The following RIT2 variants were observed in gnomAD, a reference collection of about 807,000 sequenced individuals.
RIT2 encodes Ras like without CAAX 2.
Under a neutral mutation model 23.7 loss-of-function variants are expected in RIT2, and 24 were observed. That is an observed-to-expected ratio of 1.01 (90% confidence interval 0.73 to 1.43). The LOEUF is 1.43. Among genes scored for constraint, RIT2 ranks in the 40% most tolerant of loss-of-function variants. The pLI is 0.00. For missense variants in RIT2, 236 were observed against 266.9 expected, an observed-to-expected ratio of 0.88 and a Z score of 0.81; for synonymous variants, 107 against 91.1, an observed-to-expected ratio of 1.17 and a Z score of -0.99.
At chr18:43,066,700 C>A (rs1277895467) in intron 1 of RIT2, among the ~76,000 whole-genome samples, 2 of 151,932 alleles carry the variant, frequency 1.3e-5, no homozygotes, top group African/African-American at 4.8e-5. Context: ...AAGGAAGCGC[C>A]ATTTAACCTA....
intron 1 of RIT2, among the ~76,000 whole-genome samples, chr18:43,113,250 C>T (rs1191426802): frequency 6.6e-6 from 1 of 152,098 alleles, no homozygotes; most frequent in Non-Finnish European, 1.5e-5. Context: ...ACTGTGATTT[C>T]AAACATTTAG....
intron 4 of RIT2, among the ~76,000 whole-genome samples, chr18:42,799,102 A>G (rs540315654): frequency 6.6e-6 from 1 of 152,350 alleles, no homozygotes; most frequent in South Asian, 2.1e-4. Flanking sequence ...ATTCTGAAAA[A>G]TAAATAGGGC....
chr18:43,031,212 A>G (rs572452190), intron 2 of RIT2, among the ~76,000 whole-genome samples: 8 of 152,024 alleles, frequency 5.3e-5, no homozygotes, highest in Admixed American at 2.6e-4. Context: ...TCTTTCAAAA[A>G]TAAGTGCAGA....
chr18:43,004,028 T>C (rs942850349), intron 2 of RIT2, among the ~76,000 whole-genome samples: 15 of 151,626 alleles, frequency 9.9e-5, no homozygotes, highest in African/African-American at 3.6e-4. Context: ...TCTGTACTGA[T>C]TTTTCCCCCC....
intron 4 of RIT2, among the ~76,000 whole-genome samples, chr18:42,905,902 T>A (rs1209586785): frequency 6.9e-6 from 1 of 145,204 alleles, no homozygotes; most frequent in Non-Finnish European, 1.5e-5. Context: ...GGATAAAGGC[T>A]AAGGAGGAAA....
intron 3 of RIT2, among the ~76,000 whole-genome samples, chr18:42,949,946 G>A (rs1909811384): frequency 6.6e-6 from 1 of 152,032 alleles, no homozygotes. Context: ...CCACATAATG[G>A]GAGAATCATC....
intron 3 of RIT2, among the ~76,000 whole-genome samples, chr18:42,932,098 T>C (rs954575413): frequency 2.0e-5 from 3 of 152,164 alleles, no homozygotes; most frequent in African/African-American, 7.2e-5. Flanking sequence ...CAGATAATTA[T>C]AAAATTTTAC....
rs1439200803 is a variant in RIT2 at position 42,974,065 on chromosome 18, A to T, written c.234+9T>A. ...TCAGAGATTGGAGAGGTTTAAGAAC[A>T]TCACCTACCTGGCCAGCAGTGTCCA... is the stretch of plus-strand genomic sequence containing the variant. On this transcript the variant is annotated intron_variant, in intron 3 of 4. Coordinates refer to ENST00000326695, the MANE Select transcript of RIT2 (RefSeq NM_002930.4). 4.4e-6 allele frequency: 7 copies of T among 1,602,124 alleles called. No individual in the cohort carries two copies. In the South Asian group the frequency reaches 6.6e-5, roughly 15 times the overall value.
intron 2 of RIT2, among the ~76,000 whole-genome samples, chr18:43,012,904 A>G (rs887588104): frequency 1.3e-5 from 2 of 151,800 alleles, no homozygotes; most frequent in Non-Finnish European, 2.9e-5. Context: ...AAGGTCACAC[A>G]TTTATTACAA....
intron 1 of RIT2, among the ~76,000 whole-genome samples, chr18:43,098,667 A>G (rs1042287213): frequency 6.6e-6 from 1 of 151,970 alleles, no homozygotes; most frequent in African/African-American, 2.4e-5. Context: ...AGTGCCAGGT[A>G]CTGTTTTCAG....
chr18:43,078,248 A>G (rs1913071187), intron 1 of RIT2, among the ~76,000 whole-genome samples: 1 of 152,118 alleles, frequency 6.6e-6, no homozygotes, highest in Admixed American at 6.5e-5. Flanking sequence ...CTCTATCCAC[A>G]TCTCCATTCT....
intron 2 of RIT2, among the ~76,000 whole-genome samples, chr18:43,002,073 G>A (rs1911120176): frequency 6.6e-6 from 1 of 151,922 alleles, no homozygotes; most frequent in Non-Finnish European, 1.5e-5. Context: ...TAGCAAGAAA[G>A]GCATTTCGAG....
At chr18:42,932,332 G>A (rs1281437293) in intron 3 of RIT2, among the ~76,000 whole-genome samples, 4 of 152,062 alleles carry the variant, frequency 2.6e-5, no homozygotes, top group Non-Finnish European at 5.9e-5. Flanking sequence ...CATCAATGGG[G>A]GGAAATCCAT....
intron 1 of RIT2, among the ~76,000 whole-genome samples, chr18:43,084,100 A>C (rs1913223612): frequency 6.6e-6 from 1 of 152,222 alleles, no homozygotes; most frequent in Admixed American, 6.5e-5. Context: ...TTCTCAAAAA[A>C]AGACATTTAT....
Position 43,030,420 on chromosome 18 carries a change from G to A in RIT2, c.160+3391C>T, listed in dbSNP as rs115826867. ...CGTGGATCTAAAATAAGGTGGATGT[G>A]GTTGATGCCCAAGAAAGAAGTGGCA... On this transcript the variant is annotated intron_variant, in intron 2 of 4. Transcript: ENST00000326695. Among the ~76,000 whole-genome samples, 483 of 152,068 alleles carry A rather than the reference G, an allele frequency of 3.2e-3. 5 individuals are homozygous for A. Among genetic ancestry groups the A allele is most frequent in the African/African-American group, 0.01 (423 of 41,494 alleles).
At chr18:42,834,828 G>A (rs995343409) in intron 4 of RIT2, among the ~76,000 whole-genome samples, 1 of 152,058 alleles carries the variant, frequency 6.6e-6, no homozygotes, top group Non-Finnish European at 1.5e-5. Flanking sequence ...TACAAATTAA[G>A]CTAAAAGTAG....
chr18:42,785,995 G>T (rs540532731), intron 4 of RIT2, among the ~76,000 whole-genome samples: 1 of 152,094 alleles, frequency 6.6e-6, no homozygotes, highest in African/African-American at 2.4e-5. Context: ...TAAATTGAAT[G>T]TACTATAGAT....
At chr18:43,033,965 T>C (rs1598755290) in intron 1 of RIT2, 98 bp from the exon 2 acceptor site, 1 of 780,936 alleles carries the variant, frequency 1.3e-6, no homozygotes, top group Non-Finnish European at 2.1e-6. Flanking sequence ...AAGGTTATGG[T>C]GAATAAGTTA....
chr18:43,091,248 A>C (rs548737675), intron 1 of RIT2, among the ~76,000 whole-genome samples: 2 of 152,100 alleles, frequency 1.3e-5, no homozygotes, highest in South Asian at 4.1e-4. Context: ...GCTGTTATTT[A>C]AGACAAAGAA....
Sources: allele counts gnomAD v4.1 joint callset (sites outside exome capture counted in the v4.1 genomes callset), GRCh38; gene constraint gnomAD v4.1.1; transcripts MANE v1.5; gene names NCBI Gene and HGNC (gene_info 2026-07-23, HGNC 2026-07-21).